ADAMTS9: variants seen among roughly 807,000 people sequenced by gnomAD.
ADAMTS9 encodes the protein A disintegrin and metalloproteinase with thrombospondin motifs 9.
Under a neutral mutation model 257.1 loss-of-function variants are expected in ADAMTS9, and 107 were observed. The ratio of observed to expected loss-of-function variants is 0.42; its 90% confidence interval spans 0.36 to 0.49. The LOEUF (loss-of-function observed/expected upper bound fraction) is 0.49, where lower values mean the gene tolerates loss of function less well. ADAMTS9 is among the 20% of genes least tolerant of loss of function. ADAMTS9 has a pLI of 0.03. For missense variants in ADAMTS9, 2,353 were observed against 2,469.1 expected (o/e 0.95, Z 1.00); for synonymous variants, 982 against 880.9 (o/e 1.11, Z -2.03).
intron 28 of ADAMTS9, among the ~76,000 whole-genome samples, chr3:64,593,060 G>C (rs1030545896): frequency 6.6e-6 from 1 of 152,150 alleles, no homozygotes; most frequent in African/African-American, 2.4e-5. Flanking sequence ...GAACTGACTA[G>C]AGATACAACA....
rs926659439 is a variant in ADAMTS9 at position 64,622,090 on chromosome 3, T to C, written c.2686+108A>G. On this transcript the variant is annotated intron_variant, in intron 18 of 39. Transcript: ENST00000498707. ...CAAAGAAAAGAGATTAGAGAACGTA[T>C]GCAGATAGAAGGGTTTGCAGTTTGC... 6 of 1,169,680 alleles carry C rather than the reference T, an allele frequency of 5.1e-6. No individual in the cohort carries two copies. The African/African-American group carries it at 9.3e-5, about 18-fold the overall frequency. 72.5% of individuals were successfully genotyped at this position (1,169,680 alleles called of 1,614,324 possible).
chr3:64,686,730 T>C lies in ADAMTS9; in HGVS notation c.354A>G (p.Gly118=). Residue 118 remains glycine, a synonymous_variant, in exon 2 of 40, where the codon GGA becomes GGG. Transcript: ENST00000498707. The surrounding 1 kb of genome is among the most constrained non-coding windows in gnomAD (Gnocchi z 4.6). ...QFLFNLTANA[G]FIAPLFTVTL... is the part of the protein sequence containing the mutation. ...TGACAGTGAACAGTGGAGCGATAAA[T>C]CCGGCATTGGCGGTGAGATTAAATA... 1 of 1,614,070 alleles carries C rather than the reference T, an allele frequency of 6.2e-7. No individual in the cohort carries two copies. Among genetic ancestry groups the C allele is most frequent in the South Asian group, 1.1e-5 (1 of 91,080 alleles).
chr3:64,594,159 G>T, intron 28 of ADAMTS9, 99 bp downstream of exon 28: 3 of 1,263,936 alleles, frequency 2.4e-6, no homozygotes, highest in Non-Finnish European at 3.3e-6. Flanking sequence ...TTTCTGGGAT[G>T]CCCTTGTAAG....
intron 32 of ADAMTS9, among the ~76,000 whole-genome samples, chr3:64,546,152 A>T (rs12495522): frequency 0.64 from 97,868 of 151,962 alleles, 35,897 homozygotes; most frequent in Non-Finnish European, 0.85. Context: ...TATATAAAAC[A>T]TTTGCCATTA....
intron 28 of ADAMTS9, among the ~76,000 whole-genome samples, chr3:64,590,272 T>C (rs2084236935): frequency 1.3e-5 from 2 of 152,286 alleles, no homozygotes; most frequent in East Asian, 1.9e-4. Flanking sequence ...AGCTAGATAC[T>C]TGGCTACTCA....
At chr3:64,604,551 G>T (rs2084524920) in intron 23 of ADAMTS9, among the ~76,000 whole-genome samples, 1 of 152,106 alleles carries the variant, frequency 6.6e-6, no homozygotes, top group Admixed American at 6.5e-5. Flanking sequence ...TAAAGGGCAG[G>T]GGTCAGCTTG....
rs1701949330 is a variant in ADAMTS9 at position 64,687,517 on chromosome 3, G to C, written c.115+26C>G. ...CGGGAGGCGGCGTCGGGGCCGGCGG[G>C]GTCCCGGGGGCCGGAGCCTGGTTAC... On this transcript the variant is annotated intron_variant, in intron 1 of 39. Transcript: ENST00000498707. This position sits in a 1 kb window ranked among gnomAD's most constrained non-coding sequence, Gnocchi z 4.4. 1.3e-6 allele frequency: 2 copies of C among 1,503,482 alleles called. No individual in the cohort carries two copies. The highest frequency in any genetic ancestry group is 8.9e-7 in the Non-Finnish European group (1 of 1,119,592). The allele number at this position is 1,503,482 out of a possible 1,614,324, so 93.1% of individuals were successfully genotyped here. A position where few individuals can be genotyped will look rare whatever the true frequency, so the allele number is the denominator to read the frequency against.
chr3:64,649,744 C>T lies in ADAMTS9; in HGVS notation c.1498G>A (p.Glu500Lys), dbSNP rs762238588. ...ACAGGCAAAGGGTAGGGTCTGGATT[C>T]AGGTTCGTTAAGCAAACACTCGCCA... Reference protein sequence around the residue: ...GYGECLLNEPESRPYPLPVQL... With the variant: ...GYGECLLNEPKSRPYPLPVQL... Residue 500 changes from glutamate (E) to lysine (K), a missense_variant, in exon 10 of 40, where the codon GAA becomes AAA. Around this residue, in one of 3 missense-constraint regions of ADAMTS9, gnomAD observed 360 missense variants for 458.1 expected, o/e 0.79. Transcript: ENST00000498707. 8 of 1,613,812 alleles carry T rather than the reference C, an allele frequency of 5.0e-6. No homozygotes were observed. The Admixed American group carries it at 1.0e-4, about 20-fold the overall frequency.
chr3:64,528,505 A>C (rs1176429280), intron 38 of ADAMTS9, among the ~76,000 whole-genome samples: 2 of 152,080 alleles, frequency 1.3e-5, no homozygotes, highest in Admixed American at 6.5e-5. Flanking sequence ...GGTGCAGCTA[A>C]AACATTTGCC....
At chr3:64,659,392 C>G (rs567508526) in intron 3 of ADAMTS9, among the ~76,000 whole-genome samples, 2 of 150,972 alleles carry the variant, frequency 1.3e-5, no homozygotes, top group African/African-American at 4.9e-5. Flanking sequence ...TGCTTGAACC[C>G]AGGAGGCAGA....
At position 64,546,827 on chromosome 3, in the gene ADAMTS9, G is replaced by A. The variant is rs2083206297; in HGVS notation, c.4995C>T (p.Pro1665=). ...CCCTCAGGTAACAGGGGTGAACACT[G>A]GGGGGCTGCGTGCCTGGGCAGTTGA... The part of the protein sequence containing the change: ...TTINCPGTQP[P]SVHPCYLRDC... The change falls in exon 32 of 40, where the codon CCC becomes CCT. Residue 1665 remains proline (P), a synonymous_variant. Transcript: ENST00000498707. The A allele has an allele frequency of 6.2e-7, 1 of 1,613,950 alleles. No homozygotes were observed. The highest frequency in any genetic ancestry group is 1.3e-5 in the African/African-American group (1 of 74,922).
At chr3:64,522,129 G>A (rs748507021) in intron 39 of ADAMTS9, 37 bp downstream of exon 39, 2 of 1,585,050 alleles carry the variant, frequency 1.3e-6, no homozygotes, top group South Asian at 1.1e-5. Flanking sequence ...AAAAATAAAA[G>A]ACAAATACAC....
At chr3:64,568,740 C>A in intron 28 of ADAMTS9, 1 of 543,062 alleles carries the variant, frequency 1.8e-6, no homozygotes, top group East Asian at 3.7e-5. Context: ...ATTACAGCAG[C>A]AATCCTGTGT....
intron 29 of ADAMTS9, among the ~76,000 whole-genome samples, chr3:64,566,931 G>T (rs896093018): frequency 6.6e-6 from 1 of 152,104 alleles, no homozygotes; most frequent in Non-Finnish European, 1.5e-5. Flanking sequence ...AGGATGACTG[G>T]TATGAAATAT....
intron 28 of ADAMTS9, among the ~76,000 whole-genome samples, chr3:64,579,998 G>A (rs1024258723): frequency 1.3e-5 from 2 of 152,282 alleles, no homozygotes; most frequent in East Asian, 3.9e-4. Flanking sequence ...AACATTGACA[G>A]TGCATTCTTA....
At chr3:64,674,752 C>T (rs1252688965) in intron 3 of ADAMTS9, among the ~76,000 whole-genome samples, 1 of 152,180 alleles carries the variant, frequency 6.6e-6, no homozygotes, top group Non-Finnish European at 1.5e-5. Flanking sequence ...TGCCTGGAAC[C>T]CATAGGCTGC....
chr3:64,615,465 A>G lies in ADAMTS9; in HGVS notation c.3045T>C (p.Gly1015=), dbSNP rs1033485946. The part of the protein sequence containing the change: ...AWTECSKSCD[G]GTQRRRAICV... Reference sequence around the variant, plus strand: ...AAATAGCCCTTCTCCTCTGGGTCCCACCGTCACAGCTTTTTGAACACTGTA... The same window carrying G: ...AAATAGCCCTTCTCCTCTGGGTCCCGCCGTCACAGCTTTTTGAACACTGTA... The change falls in exon 21 of 40, where the codon GGT becomes GGC. Residue 1015 remains glycine (G), a synonymous_variant. Coordinates refer to ENST00000498707, the MANE Select transcript of ADAMTS9 (RefSeq NM_182920.2). 11 of 1,613,336 alleles carry G rather than the reference A, an allele frequency of 6.8e-6. No homozygotes were observed. The African/African-American group carries it at 1.2e-4, about 18-fold the overall frequency.
At chr3:64,637,108 G>C (rs1700520015) in intron 12 of ADAMTS9, among the ~76,000 whole-genome samples, 1 of 152,060 alleles carries the variant, frequency 6.6e-6, no homozygotes, top group Non-Finnish European at 1.5e-5. Flanking sequence ...CTTAATTATT[G>C]ACATGACTTT....
At chr3:64,637,881 T>G (rs1700539288) in intron 12 of ADAMTS9, among the ~76,000 whole-genome samples, 1 of 152,216 alleles carries the variant, frequency 6.6e-6, no homozygotes, top group African/African-American at 2.4e-5. Flanking sequence ...CTTTTACTTA[T>G]TCATTAGTTA....
Sources: allele counts gnomAD v4.1 joint callset (sites outside exome capture counted in the v4.1 genomes callset), GRCh38; gene constraint gnomAD v4.1.1; regional missense constraint gnomAD v4.1.1; non-coding constraint Gnocchi (gnomAD v3.1); transcripts MANE v1.5; gene names NCBI Gene and HGNC (gene_info 2026-07-23, HGNC 2026-07-21).